The following CYYR1 variants were observed in gnomAD, a reference collection of about 807,000 sequenced individuals.
CYYR1 encodes cysteine and tyrosine rich 1.
CYYR1 carries 14 observed loss-of-function variants against 15.2 expected under a neutral mutation model. That is an observed-to-expected ratio of 0.92 (90% CI 0.61 to 1.44). The LOEUF (loss-of-function observed/expected upper bound fraction) is 1.44, where lower values mean the gene tolerates loss of function less well. Among genes scored for constraint, CYYR1 ranks in the 40% most tolerant of loss-of-function variants. CYYR1 has a pLI of 0.00. For missense variants in CYYR1, 228 were observed against 209.5 expected, an observed-to-expected ratio of 1.09 and a Z score of -0.54; for synonymous variants, 80 against 77.4, an observed-to-expected ratio of 1.03 and a Z score of -0.18.
At chr21:26,540,949 A>C (rs146094051) in intron 2 of CYYR1, among the ~76,000 whole-genome samples, 156 of 152,326 alleles carry the variant, frequency 1.0e-3, no homozygotes, top group African/African-American at 3.5e-3. Flanking sequence ...TGCAACTTTA[A>C]AAAAGAACCA....
intron 2 of CYYR1, among the ~76,000 whole-genome samples, chr21:26,561,293 T>C (rs1214062780): frequency 6.6e-6 from 1 of 151,298 alleles, no homozygotes; most frequent in Non-Finnish European, 1.5e-5. Flanking sequence ...AAGATTATTT[T>C]AACTTAATTA....
intron 2 of CYYR1, among the ~76,000 whole-genome samples, chr21:26,560,135 T>C (rs1569177804): frequency 6.6e-6 from 1 of 152,208 alleles, no homozygotes. Context: ...AATTTTTACA[T>C]GGTTATAATA....
intron 2 of CYYR1, among the ~76,000 whole-genome samples, chr21:26,492,334 T>C (rs2065340223): frequency 6.6e-6 from 1 of 152,218 alleles, no homozygotes; most frequent in Admixed American, 6.5e-5. Context: ...CCAGAGATAC[T>C]GTAATTGGCC....
chr21:26,483,372 T>C (rs938166104), intron 2 of CYYR1: 54 of 786,396 alleles, frequency 6.9e-5, no homozygotes, highest in Non-Finnish European at 8.2e-5. Context: ...ATATTTGATG[T>C]TTTCTTCAAA....
intron 1 of CYYR1, among the ~76,000 whole-genome samples, chr21:26,570,902 G>A (rs1277180875): frequency 2.0e-5 from 3 of 152,088 alleles, no homozygotes; most frequent in South Asian, 2.1e-4. Context: ...GGTTCAGGGC[G>A]TCTATATTTT....
At chr21:26,513,860 A>T (rs2065684339) in intron 2 of CYYR1, among the ~76,000 whole-genome samples, 1 of 145,538 alleles carries the variant, frequency 6.9e-6, no homozygotes, top group East Asian at 2.1e-4. Context: ...TGGGAATTGA[A>T]CAATGAGAAC....
At chr21:26,567,916 G>A (rs1220861281) in intron 1 of CYYR1, 1 of 152,142 alleles carries the variant, frequency 6.6e-6, no homozygotes, top group East Asian at 1.9e-4. Context: ...AAATGGAAAA[G>A]TTCGTATTTT....
In CYYR1 at chr21:26,468,154, ATCT is replaced by A. The variant is rs915130704; in HGVS notation, c.*344_*346del. 4.5e-5 allele frequency: 14 copies of A among 311,116 alleles called. No homozygotes were observed. Among genetic ancestry groups the A allele is most frequent in the African/African-American group, 2.4e-4 (11 of 45,742 alleles). 19.3% of individuals were successfully genotyped at this position (311,116 alleles called of 1,614,324 possible). ...CAAATCATTCTCCCATCCTACTTAG[ATCT>A]TCTTTTTTTCCAGGATCAATACTGA... On this transcript the variant is annotated 3_prime_UTR_variant, in exon 4 of 4. Transcript: ENST00000652641.
chr21:26,543,735 G>A (rs1314572000), intron 2 of CYYR1, among the ~76,000 whole-genome samples: 5 of 152,080 alleles, frequency 3.3e-5, no homozygotes, highest in African/African-American at 9.6e-5. Context: ...GTAAAACCCC[G>A]TCTCTATTAA....
chr21:26,505,404 A>G (rs1214663351), intron 2 of CYYR1, among the ~76,000 whole-genome samples: 4 of 152,232 alleles, frequency 2.6e-5, no homozygotes, highest in Admixed American at 6.5e-5. Context: ...AGAGAGCTTA[A>G]GACTGAGCTT....
intron 2 of CYYR1, among the ~76,000 whole-genome samples, chr21:26,537,137 A>T (rs1978310783): frequency 6.6e-6 from 1 of 152,154 alleles, no homozygotes; most frequent in Admixed American, 6.6e-5. Flanking sequence ...ACTGAGGAGC[A>T]TAGGAGTAAA....
chr21:26,482,003 C>T (rs1469306414), intron 2 of CYYR1, among the ~76,000 whole-genome samples: 1 of 152,022 alleles, frequency 6.6e-6, no homozygotes, highest in East Asian at 1.9e-4. Context: ...ACAAAAGCAA[C>T]CACTTCAACC....
chr21:26,488,005 C>G (rs1472607677), intron 2 of CYYR1, among the ~76,000 whole-genome samples: 1 of 149,240 alleles, frequency 6.7e-6, no homozygotes, highest in African/African-American at 2.5e-5. Flanking sequence ...GGTGACTCCC[C>G]TTAATAACTT....
In CYYR1 at chr21:26,522,975, C is replaced by T. The variant is rs149756830; in HGVS notation, c.177-42546G>A. Reference sequence around the variant, plus strand: ...CTTGGCTGAAGGGAAGTCTGGACTTCGTCAGGAGGCAAAGGATCTTGTGCA... The same window carrying T: ...CTTGGCTGAAGGGAAGTCTGGACTTTGTCAGGAGGCAAAGGATCTTGTGCA... On this transcript the variant is annotated intron_variant, in intron 2 of 3. Coordinates refer to ENST00000652641, the MANE Select transcript of CYYR1 (RefSeq NM_001320768.2). 2.1e-3 allele frequency among the ~76,000 whole-genome samples: 312 copies of T among 152,098 alleles called. 2 individuals carry two copies. Among genetic ancestry groups the T allele is most frequent in the African/African-American group, 7.2e-3 (299 of 41,496 alleles).
intron 2 of CYYR1, chr21:26,483,409 T>C: frequency 1.2e-6 from 1 of 815,678 alleles, no homozygotes; most frequent in Non-Finnish European, 1.4e-6. Flanking sequence ...AATTCTCTCC[T>C]ATCAAAAAAA....
chr21:26,525,315 G>T (rs2065850147), intron 2 of CYYR1, among the ~76,000 whole-genome samples: 1 of 151,680 alleles, frequency 6.6e-6, no homozygotes, highest in Admixed American at 6.6e-5. Flanking sequence ...AATTTTCAAT[G>T]GCTCCATTGT....
At chr21:26,485,111 A>C (rs562411218) in intron 2 of CYYR1, among the ~76,000 whole-genome samples, 1 of 152,244 alleles carries the variant, frequency 6.6e-6, no homozygotes, top group Admixed American at 6.6e-5. Flanking sequence ...GGCATCATTA[A>C]AACCTTGAAA....
intron 3 of CYYR1, among the ~76,000 whole-genome samples, chr21:26,473,348 C>G (rs2065060141): frequency 1.3e-5 from 2 of 152,062 alleles, no homozygotes; most frequent in African/African-American, 4.8e-5. Context: ...GCATCCCCAG[C>G]CACATAAACT....
chr21:26,527,555 T>C, intron 2 of CYYR1, among the ~76,000 whole-genome samples: 1 of 152,210 alleles, frequency 6.6e-6, no homozygotes, highest in East Asian at 1.9e-4. Flanking sequence ...ATTGAAAATA[T>C]GTGTTTTTAT....
Sources: allele counts gnomAD v4.1 joint callset (sites outside exome capture counted in the v4.1 genomes callset), GRCh38; gene constraint gnomAD v4.1.1; transcripts MANE v1.5; gene names NCBI Gene and HGNC (gene_info 2026-07-23, HGNC 2026-07-21).